The following FMO3 variants were observed in gnomAD, a reference collection of about 807,000 sequenced individuals.
FMO3 encodes flavin-containing monooxygenase 3.
FMO3 carries 40 observed loss-of-function variants against 39.4 expected under a neutral mutation model. The observed-to-expected ratio is 1.02, with a 90% CI of 0.79 to 1.32. FMO3 has a LOEUF of 1.32. Ranked by LOEUF, FMO3 falls within the 40% of genes most tolerant of loss-of-function variation. FMO3 has a pLI of 0.00. For missense variants in FMO3, 680 were observed against 651.8 expected (o/e 1.04, Z -0.47); for synonymous variants, 219 against 228.8 (o/e 0.96, Z 0.39).
At chr1:171,093,827 CTTTTTTTTTTT>C (rs1228257104) in intron 2 of FMO3, among the ~76,000 whole-genome samples, 4 of 75,308 alleles carry the variant, frequency 5.3e-5, no homozygotes, top group Middle Eastern at 0.011. Flanking sequence ...TCACTAATAT[CTTTTTTTTTTT>C]TTTTTTTTTT....
In FMO3 at chr1:171,103,891, A is replaced by G; in HGVS notation, c.239A>G (p.Asn80Ser). ...PDFPFPDDFPNFMHNSKIQEY... is the reference protein window; with the variant it reads ...PDFPFPDDFPSFMHNSKIQEY... ...TTCCCATTTCCCGATGACTTCCCCA[A>G]CTTTATGCACAACAGCAAGATCCAG... Residue 80 changes from asparagine (N) to serine (S), a missense_variant, in exon 3 of 9, where the codon AAC becomes AGC. Coordinates refer to ENST00000367755, the MANE Select transcript of FMO3 (RefSeq NM_001002294.3). 1.2e-6 allele frequency: 2 copies of G among 1,613,874 alleles called. No homozygotes were observed. Among genetic ancestry groups the G allele is most frequent in the Non-Finnish European group, 1.7e-6 (2 of 1,179,858 alleles).
At chr1:171,101,150 A>C (rs1034877732) in intron 2 of FMO3, 1 of 456,284 alleles carries the variant, frequency 2.2e-6, no homozygotes, top group Non-Finnish European at 4.4e-6. Flanking sequence ...AGCATCCACC[A>C]GAAGCCAGAA....
At position 171,114,020 on chromosome 1, in the gene FMO3, G is replaced by T. The variant is rs781705395; in HGVS notation, c.841G>T (p.Glu281Ter). 1.9e-6 allele frequency: 3 copies of T among 1,607,262 alleles called. No homozygotes were observed. The highest frequency in any genetic ancestry group is 1.3e-5 in the African/African-American group (1 of 74,718). ...TTTTCCATACAGAGTCCTGAGGAAA[G>T]AGCCTGTATTTAACGATGAGCTCCC... ...LMPLNGVLRK[E>*]PVFNDELPAS... The change falls in exon 7 of 9, where the codon GAG (glutamate) becomes TAG (stop). Residue 281 changes from glutamate to a stop codon, truncating the protein, a stop_gained. Coordinates refer to ENST00000367755, the MANE Select transcript of FMO3 (RefSeq NM_001002294.3). LOFTEE classifies it high-confidence loss of function.
chr1:171,101,716 T>C (rs1368824866), intron 2 of FMO3: 8 of 515,394 alleles, frequency 1.6e-5, no homozygotes, highest in Non-Finnish European at 2.4e-5. Context: ...CTCACCTTCT[T>C]TGGTCACAGA....
At chr1:171,098,116 T>C (rs1315768575) in intron 2 of FMO3, among the ~76,000 whole-genome samples, 1 of 152,212 alleles carries the variant, frequency 6.6e-6, no homozygotes, top group Non-Finnish European at 1.5e-5. Context: ...TGTGGTATTA[T>C]TTCTGAGGGC....
In FMO3 at chr1:171,092,745, C is replaced by G; in HGVS notation, c.87C>G (p.Thr29=). The G allele has an allele frequency of 1.9e-6, 3 of 1,614,066 alleles. No individual in the cohort carries two copies. The highest frequency in any genetic ancestry group is 2.5e-6 in the Non-Finnish European group (3 of 1,179,998). Residue 29 remains threonine (T), a synonymous_variant, in exon 2 of 9, where the codon ACC becomes ACG. Transcript: ENST00000367755. ...RSCLEEGLEP[T]CFEKSNDIGG... ...GTCTGGAAGAGGGGCTGGAGCCCAC[C>G]TGCTTTGAGAAGAGCAATGACATTG...
intron 2 of FMO3, among the ~76,000 whole-genome samples, chr1:171,094,814 A>G (rs377571397): frequency 6.6e-6 from 1 of 152,278 alleles, no homozygotes; most frequent in East Asian, 1.9e-4. Flanking sequence ...TGTTTATACC[A>G]GTACCATGCT....
At position 171,103,806 on chromosome 1, in the gene FMO3, G is replaced by T; in HGVS notation, c.154G>T (p.Ala52Ser). 6.2e-7 allele frequency: 1 copy of T among 1,613,662 alleles called. No homozygotes were observed. Among genetic ancestry groups the T allele is most frequent in the Non-Finnish European group, 8.5e-7 (1 of 1,179,696 alleles). Reference protein sequence around the residue: ...KFSDHAEEGRASIYKSVFSNS... With the variant: ...KFSDHAEEGRSSIYKSVFSNS... ...ACAGGACCATGCAGAGGAGGGCAGGGCTAGCATTTACAAATCAGTCTTTTC... is the reference window on the plus strand; with the variant it reads ...ACAGGACCATGCAGAGGAGGGCAGGTCTAGCATTTACAAATCAGTCTTTTC... The change falls in exon 3 of 9, where the codon GCT (alanine) becomes TCT (serine). Residue 52 changes from alanine to serine, a missense_variant. By Grantham distance (99) the Ala-to-Ser change is moderately conservative. Coordinates refer to ENST00000367755, the MANE Select transcript of FMO3 (RefSeq NM_001002294.3).
chr1:171,108,024 G>A (rs2066529), intron 4 of FMO3, 55 bp from the exon 5 acceptor site: 280,160 of 1,594,058 alleles, frequency 0.18, 27,172 homozygotes, highest in Non-Finnish European at 0.2. Flanking sequence ...TTCTGTTAAA[G>A]TCTTTGTTTA....
chr1:171,094,657 GCTAT>G lies in FMO3; in HGVS notation c.132+1871_132+1874del, dbSNP rs1187561981. Among the ~76,000 whole-genome samples the G allele has an allele frequency of 1.2e-4, 19 of 152,118 alleles. No homozygotes were observed. In the East Asian group the frequency reaches 2.7e-3, roughly 22 times the overall value. ...GGGGTCCACTTTCATTCTGCGTATG[GCTAT>G]CTAATTTTCCAAGCACAATGTACTG... is the stretch of plus-strand genomic sequence containing the variant. On this transcript the variant is annotated intron_variant, in intron 2 of 8. Transcript: ENST00000367755.
intron 5 of FMO3, among the ~76,000 whole-genome samples, chr1:171,109,402 A>C (rs1234728421): frequency 3.3e-5 from 5 of 152,078 alleles, no homozygotes; most frequent in Non-Finnish European, 7.4e-5. Context: ...GGGTTTAGGA[A>C]ATTTATGATG....
rs558695376 is a variant in FMO3 at position 171,102,846 on chromosome 1, A to C, written c.133-939A>C. ...TTAGCATAGTTCTATAATTCCTTAG[A>C]GTTAAAGAAAATTCAGATATTTTTA... On this transcript the variant is annotated intron_variant, in intron 2 of 8. Transcript: ENST00000367755. Among the ~76,000 whole-genome samples the C allele has an allele frequency of 4.6e-5, 7 of 152,290 alleles. No individual in the cohort carries two copies. The South Asian group carries it at 1.4e-3, about 32-fold the overall frequency.
At chr1:171,108,654 T>C (rs192035177) in intron 5 of FMO3, among the ~76,000 whole-genome samples, 184 of 152,194 alleles carry the variant, frequency 1.2e-3, no homozygotes, top group African/African-American at 4.3e-3. Flanking sequence ...CAATACAGAG[T>C]GGCTCATTTA....
chr1:171,101,335 C>T, intron 2 of FMO3: 1 of 412,678 alleles, frequency 2.4e-6, no homozygotes, highest in South Asian at 1.7e-5. Flanking sequence ...CCACAAGAAA[C>T]TAATACCTTT....
chr1:171,092,603 A>C, intron 1 of FMO3, 50 bp from the exon 2 acceptor site: 1 of 1,602,390 alleles, frequency 6.2e-7, no homozygotes, highest in Non-Finnish European at 8.6e-7. Flanking sequence ...ATAAGTAAAT[A>C]CATTTTCAGC....
chr1:171,101,448 T>C (rs536167778), intron 2 of FMO3, among the ~76,000 whole-genome samples: 1 of 152,338 alleles, frequency 6.6e-6, no homozygotes, highest in East Asian at 1.9e-4. Flanking sequence ...TCTGCAGCAA[T>C]AGGCTTAGTA....
intron 3 of FMO3, among the ~76,000 whole-genome samples, chr1:171,105,880 AC>A (rs1197848566): frequency 4.6e-5 from 7 of 152,116 alleles, no homozygotes; most frequent in African/African-American, 1.7e-4. Flanking sequence ...ATTGTCTTGA[AC>A]CAGCAAAACA....
chr1:171,102,861 A>T (rs928897846), intron 2 of FMO3, among the ~76,000 whole-genome samples: 2 of 152,218 alleles, frequency 1.3e-5, no homozygotes, highest in Non-Finnish European at 2.9e-5. Context: ...AAGAAAATTC[A>T]GATATTTTTA....
At chr1:171,092,061 TG>T (rs1322847722) in intron 1 of FMO3, among the ~76,000 whole-genome samples, 3 of 152,098 alleles carry the variant, frequency 2.0e-5, no homozygotes, top group Non-Finnish European at 2.9e-5. Context: ...AGACAGTAAA[TG>T]ACAAAGTCCA....
Sources: gnomAD v4.1 joint callset for allele counts (sites outside exome capture counted in the v4.1 genomes callset) on GRCh38, gnomAD v4.1.1 for gene constraint, MANE v1.5 for transcripts, NCBI Gene and HGNC (gene_info 2026-07-23, HGNC 2026-07-21) for gene names.